The following ROR2 variants were observed in gnomAD, a reference collection of about 807,000 sequenced individuals.
ROR2 encodes tyrosine-protein kinase transmembrane receptor ROR2.
A neutral mutation model predicts 74.9 loss-of-function variants in ROR2; 33 were observed. The observed-to-expected ratio is 0.44, with a 90% CI of 0.33 to 0.59. The LOEUF is 0.59. Among genes scored for constraint, ROR2 ranks in the 20% least tolerant of loss-of-function variants. The pLI is 0.02. For synonymous variants in ROR2, 586 were observed against 558.7 expected, an observed-to-expected ratio of 1.05 and a Z score of -0.69; for missense variants, 1,216 against 1,313.8, an observed-to-expected ratio of 0.93 and a Z score of 1.15.
intron 1 of ROR2, among the ~76,000 whole-genome samples, chr9:91,788,067 G>A (rs1414069571): frequency 2.0e-5 from 3 of 152,206 alleles, no homozygotes. Flanking sequence ...GGAGTTGAAA[G>A]TGCCATAAGT....
intron 1 of ROR2, among the ~76,000 whole-genome samples, chr9:91,838,732 T>C (rs1305799889): frequency 2.6e-5 from 4 of 152,180 alleles, no homozygotes; most frequent in Non-Finnish European, 4.4e-5. Context: ...TCTCTCCCGT[T>C]AGACCCTTTT....
chr9:91,754,932 G>C (rs1244181252), intron 4 of ROR2, among the ~76,000 whole-genome samples: 1 of 152,156 alleles, frequency 6.6e-6, no homozygotes, highest in African/African-American at 2.4e-5. Context: ...CAGGAGGATT[G>C]CTCGAGGCAA....
intron 1 of ROR2, among the ~76,000 whole-genome samples, chr9:91,789,925 T>C (rs1826917476): frequency 6.6e-6 from 1 of 152,096 alleles, no homozygotes; most frequent in Admixed American, 6.5e-5. Flanking sequence ...AAACATAGGC[T>C]GCCTACAAGC....
intron 5 of ROR2, among the ~76,000 whole-genome samples, chr9:91,735,549 G>C (rs1824988064): frequency 6.8e-6 from 1 of 147,558 alleles, no homozygotes; most frequent in South Asian, 2.2e-4. Flanking sequence ...CATTTTAAAA[G>C]ATGGTAAGAA....
At chr9:91,740,832 C>T (rs1282368302) in intron 4 of ROR2, among the ~76,000 whole-genome samples, 5 of 152,018 alleles carry the variant, frequency 3.3e-5, no homozygotes, top group African/African-American at 4.8e-5. Flanking sequence ...CCTTCAGCAA[C>T]GTAAGTGCAG....
At chr9:91,895,883 T>A (rs1830526616) in intron 1 of ROR2, among the ~76,000 whole-genome samples, 1 of 152,124 alleles carries the variant, frequency 6.6e-6, no homozygotes, top group Non-Finnish European at 1.5e-5. Flanking sequence ...TTTAAAAAAA[T>A]GACTCTACTC....
chr9:91,895,715 T>C (rs1034341534), intron 1 of ROR2, among the ~76,000 whole-genome samples: 7 of 152,132 alleles, frequency 4.6e-5, no homozygotes, highest in Non-Finnish European at 1.0e-4. Flanking sequence ...TGATGGCAGA[T>C]GCCTGTAATC....
intron 1 of ROR2, among the ~76,000 whole-genome samples, chr9:91,864,622 G>A (rs182397297): frequency 2.0e-5 from 3 of 152,250 alleles, no homozygotes; most frequent in Admixed American, 2.0e-4. Context: ...CTGCCAGAGC[G>A]ATCACTCACA....
At chr9:91,807,609 C>A (rs992098086) in intron 1 of ROR2, among the ~76,000 whole-genome samples, 3 of 152,160 alleles carry the variant, frequency 2.0e-5, no homozygotes, top group African/African-American at 4.8e-5. Context: ...GGCAGTCTTG[C>A]AGAACTGAAT....
At chr9:91,738,407 C>T (rs929779784) in intron 4 of ROR2, among the ~76,000 whole-genome samples, 1 of 152,018 alleles carries the variant, frequency 6.6e-6, no homozygotes. Flanking sequence ...GTGAAGGGTA[C>T]ACGGGGATGG....
intron 1 of ROR2, among the ~76,000 whole-genome samples, chr9:91,790,133 T>C (rs1826923179): frequency 6.6e-6 from 1 of 152,162 alleles, no homozygotes; most frequent in African/African-American, 2.4e-5. Context: ...CCTAGTTACA[T>C]TGTAGTGTGA....
At chr9:91,756,562 G>A (rs1443183552) in intron 3 of ROR2, among the ~76,000 whole-genome samples, 1 of 151,790 alleles carries the variant, frequency 6.6e-6, no homozygotes, top group East Asian at 1.9e-4. Flanking sequence ...CCCCACCCCA[G>A]CCAGGTCAGC....
In ROR2 at chr9:91,822,636, G is replaced by A. The variant is rs1274332910; in HGVS notation, c.98-46818C>T. ...GATTCAGGCAAGACTCACTGGATGC[G>A]AAAACCACTGAGCAGAAGGCTGTTT... On this transcript the variant is annotated intron_variant, in intron 1 of 8. Transcript: ENST00000375708. 2.6e-5 allele frequency among the ~76,000 whole-genome samples: 4 copies of A among 152,158 alleles called. No individual in the cohort carries two copies. The South Asian group carries it at 6.2e-4, about 24-fold the overall frequency.
In ROR2 at chr9:91,849,988, CTTAAG is replaced by C. The variant is rs373434056; in HGVS notation, c.98-74175_98-74171del. Among the ~76,000 whole-genome samples, 102 of 152,228 alleles carry C rather than the reference CTTAAG, an allele frequency of 6.7e-4. 2 individuals are homozygous for C. The East Asian group carries it at 0.011, about 16-fold the overall frequency. On this transcript the variant is annotated intron_variant, in intron 1 of 8. Coordinates refer to ENST00000375708, the MANE Select transcript of ROR2 (RefSeq NM_004560.4). The stretch of plus-strand genomic sequence containing the variant: ...CTGGTCATTTCCAAAGCAATAAACA[CTTAAG>C]TTATTTCTTTTTCTCCCACAAACAG...
chr9:91,782,568 T>G lies in ROR2; in HGVS notation c.98-6750A>C, dbSNP rs549404162. On this transcript the variant is annotated intron_variant, in intron 1 of 8. Transcript: ENST00000375708. ...GGCCACACGTAAAATATACTAACAC[T>G]AACGATAGCTGATAGCAAAAAAAAA... Among the ~76,000 whole-genome samples, 11 of 108,512 alleles carry G rather than the reference T, an allele frequency of 1.0e-4. No individual in the cohort carries two copies. The South Asian group carries it at 3.6e-3, about 35-fold the overall frequency. 71.2% of individuals were successfully genotyped at this position (108,512 alleles called of 152,430 possible). A position where few individuals can be genotyped will look rare whatever the true frequency, so the allele number is the denominator to read the frequency against.
chr9:91,831,980 C>T (rs1158232664), intron 1 of ROR2, among the ~76,000 whole-genome samples: 2 of 152,154 alleles, frequency 1.3e-5, no homozygotes, highest in East Asian at 1.9e-4. Context: ...CCCAGACCAA[C>T]GGGTGCCTCC....
intron 1 of ROR2, among the ~76,000 whole-genome samples, chr9:91,898,124 G>C (rs1830584999): frequency 1.3e-5 from 2 of 152,160 alleles, no homozygotes; most frequent in Non-Finnish European, 1.5e-5. Flanking sequence ...ATGGTCACCG[G>C]TTCTGGAAAG....
chr9:91,767,795 G>C (rs1034669968), intron 2 of ROR2, among the ~76,000 whole-genome samples: 5 of 152,224 alleles, frequency 3.3e-5, no homozygotes, highest in Non-Finnish European at 7.3e-5. Context: ...ATGGGGACTT[G>C]CGAGATGAAG....
intron 1 of ROR2, among the ~76,000 whole-genome samples, chr9:91,826,505 G>A (rs1828294533): frequency 6.6e-6 from 1 of 152,166 alleles, no homozygotes; most frequent in Non-Finnish European, 1.5e-5. Context: ...AATGTGGCTG[G>A]GCGTGGTGCC....
Sources: gnomAD v4.1 joint callset for allele counts (sites outside exome capture counted in the v4.1 genomes callset) on GRCh38, gnomAD v4.1.1 for gene constraint, MANE v1.5 for transcripts, NCBI Gene and HGNC (gene_info 2026-07-23, HGNC 2026-07-21) for gene names.